ITGA11: variants seen among roughly 807,000 people sequenced by gnomAD.
ITGA11 encodes integrin subunit alpha 11, also known as integrin alpha-11.
In ITGA11, 97 loss-of-function variants were observed where a neutral mutation model predicts 141.9. The ratio of observed to expected loss-of-function variants is 0.68; its 90% confidence interval spans 0.58 to 0.81. The LOEUF (loss-of-function observed/expected upper bound fraction) is 0.81. Ranked by LOEUF, ITGA11 falls within the 30% of genes least tolerant of loss-of-function variation. The pLI, the probability that ITGA11 is intolerant of heterozygous loss-of-function variation, is 0.00. For synonymous variants in ITGA11, 658 were observed against 624.6 expected, an observed-to-expected ratio of 1.05 and a Z score of -0.80; for missense variants, 1,387 against 1,559.2, an observed-to-expected ratio of 0.89 and a Z score of 1.86.
intron 1 of ITGA11, among the ~76,000 whole-genome samples, chr15:68,412,430 T>G (rs1175586099): frequency 6.6e-6 from 1 of 151,974 alleles, no homozygotes; most frequent in Non-Finnish European, 1.5e-5. Flanking sequence ...TGGGTTGTCC[T>G]GAATCACTCA....
chr15:68,358,903 C>T (rs957767852), intron 5 of ITGA11, among the ~76,000 whole-genome samples: 1 of 152,212 alleles, frequency 6.6e-6, no homozygotes, highest in African/African-American at 2.4e-5. Flanking sequence ...AAATCAGTAC[C>T]TTGGTATTGT....
intron 5 of ITGA11, 123 bp from the exon 6 acceptor site, chr15:68,358,708 G>T: frequency 9.1e-7 from 1 of 1,097,110 alleles, no homozygotes; most frequent in Non-Finnish European, 1.3e-6. Flanking sequence ...TCCCTGGGCT[G>T]GGAAACTGTC....
chr15:68,367,620 T>C (rs2415005), intron 3 of ITGA11, among the ~76,000 whole-genome samples: 141,754 of 152,188 alleles, frequency 0.93, 66,360 homozygotes, highest in Middle Eastern at 0.98. Flanking sequence ...ATCCTGCTTC[T>C]TAATTTGCCT....
chr15:68,351,777 C>T (rs929654369), intron 7 of ITGA11, among the ~76,000 whole-genome samples: 6 of 151,900 alleles, frequency 3.9e-5, no homozygotes, highest in Admixed American at 6.6e-5. Context: ...TGACATCTCT[C>T]GGAGGGAGGC....
Position 68,325,399 on chromosome 15 carries a change from C to A in ITGA11, c.2212-158G>T, listed in dbSNP as rs954214394. Among the ~76,000 whole-genome samples the A allele has an allele frequency of 6.6e-6, 1 of 151,774 alleles. No individual in the cohort carries two copies. Among genetic ancestry groups the A allele is most frequent in the Non-Finnish European group, 1.5e-5 (1 of 67,776 alleles). The stretch of plus-strand genomic sequence containing the variant: ...TCTGCAGGTGGATGGAGGTTTCTAG[C>A]GGGTCTGTTGGTGGGAAGAGTGTGC... On this transcript the variant is annotated intron_variant, in intron 17 of 29. Coordinates refer to ENST00000315757, the MANE Select transcript of ITGA11 (RefSeq NM_001004439.2). This position sits in a 1 kb window ranked among gnomAD's most constrained non-coding sequence, Gnocchi z 5.5.
intron 1 of ITGA11, among the ~76,000 whole-genome samples, chr15:68,429,485 A>G (rs1255393508): frequency 6.6e-6 from 1 of 151,808 alleles, no homozygotes; most frequent in Non-Finnish European, 1.5e-5. Context: ...CTTTCCTGTT[A>G]GTTTTGTCTA....
intron 7 of ITGA11, among the ~76,000 whole-genome samples, chr15:68,356,443 A>G (rs1895072879): frequency 6.6e-6 from 1 of 152,084 alleles, no homozygotes; most frequent in African/African-American, 2.4e-5. Flanking sequence ...CCTCACTACT[A>G]TACAGTCTCA....
intron 21 of ITGA11, among the ~76,000 whole-genome samples, chr15:68,316,903 G>A (rs781400538): frequency 3.3e-5 from 5 of 152,178 alleles, no homozygotes; most frequent in South Asian, 2.1e-4. Flanking sequence ...AGGTACTCAC[G>A]AAATGGTAGT....
intron 2 of ITGA11, among the ~76,000 whole-genome samples, chr15:68,378,676 A>T (rs1236215077): frequency 1.3e-5 from 2 of 152,182 alleles, no homozygotes; most frequent in Admixed American, 6.5e-5. Flanking sequence ...TCTATTGCAT[A>T]TCTTTTATCA....
At position 68,303,167 on chromosome 15, in the gene ITGA11, C is replaced by A; in HGVS notation, c.3496-37G>T. On this transcript the variant is annotated intron_variant, in intron 29 of 29. Transcript: ENST00000315757. This position sits in a 1 kb window ranked among gnomAD's most constrained non-coding sequence, Gnocchi z 5.3. ...CAAAGGGAGACGTCTCAGAGGAGGA[C>A]AGGGTGGGCAAGGCCTGCCCCAGCT... 1 of 1,534,792 alleles carries A rather than the reference C, an allele frequency of 6.5e-7. No individual in the cohort carries two copies. The highest frequency in any genetic ancestry group is 1.2e-5 in the South Asian group (1 of 83,396).
chr15:68,425,727 G>T (rs113332825), intron 1 of ITGA11, among the ~76,000 whole-genome samples: 1,585 of 152,274 alleles, frequency 0.01, 32 homozygotes, highest in African/African-American at 0.036. Flanking sequence ...ATTTTTCCAT[G>T]GCCTTCCTGA....
At chr15:68,423,013 C>A (rs1015006098) in intron 1 of ITGA11, among the ~76,000 whole-genome samples, 10 of 152,206 alleles carry the variant, frequency 6.6e-5, no homozygotes, top group East Asian at 3.8e-4. Context: ...GGCTATTGTG[C>A]TATTACCTCC....
chr15:68,368,857 G>C (rs1206105554), intron 3 of ITGA11, among the ~76,000 whole-genome samples: 1 of 107,644 alleles, frequency 9.3e-6, no homozygotes, highest in African/African-American at 3.6e-5. Flanking sequence ...AAGACAGGAA[G>C]TCCTTTTTTT....
Position 68,305,493 on chromosome 15 carries a change from G to T in ITGA11, c.3382-1608C>A, listed in dbSNP as rs1345818970. On this transcript the variant is annotated intron_variant, in intron 28 of 29. Coordinates refer to ENST00000315757, the MANE Select transcript of ITGA11 (RefSeq NM_001004439.2). This position sits in a 1 kb window ranked among gnomAD's most constrained non-coding sequence, Gnocchi z 4.6. ...TCCTCAGAACCTGGAGCCGTGCCGG[G>T]AATGTAGCAGGAGCTCAGCTAACAC... 6.6e-6 allele frequency among the ~76,000 whole-genome samples: 1 copy of T among 152,058 alleles called. No individual in the cohort carries two copies. The highest frequency in any genetic ancestry group is 2.4e-5 in the African/African-American group (1 of 41,322).
intron 1 of ITGA11, among the ~76,000 whole-genome samples, chr15:68,426,993 C>T (rs1033893200): frequency 2.4e-4 from 27 of 110,728 alleles, no homozygotes; most frequent in African/African-American, 7.0e-4. Context: ...CCAGCCTGGG[C>T]GACAGAGCAA....
At chr15:68,396,844 T>C (rs917400871) in intron 2 of ITGA11, among the ~76,000 whole-genome samples, 24 of 138,814 alleles carry the variant, frequency 1.7e-4, no homozygotes, top group South Asian at 1.3e-3. Flanking sequence ...TAATATGTAA[T>C]AGTATAAAAT....
At chr15:68,315,070 C>CAGAT (rs539251855) in intron 22 of ITGA11, among the ~76,000 whole-genome samples, 9 of 152,068 alleles carry the variant, frequency 5.9e-5, no homozygotes, top group African/African-American at 1.9e-4. Context: ...GACAGACAGA[C>CAGAT]AGATAGACAG....
chr15:68,423,485 G>T (rs1203446497), intron 1 of ITGA11, among the ~76,000 whole-genome samples: 2 of 152,172 alleles, frequency 1.3e-5, no homozygotes, highest in African/African-American at 4.8e-5. Context: ...TCTCATTGGG[G>T]CTGCTGTTGG....
intron 1 of ITGA11, among the ~76,000 whole-genome samples, chr15:68,403,612 TTTTCTTTC>T (rs140112160): frequency 1.3e-4 from 19 of 148,312 alleles, no homozygotes; most frequent in East Asian, 8.0e-4. Context: ...AATAAACCTC[TTTTCTTTC>T]TTTCTTTCTT....
Sources: gnomAD v4.1 joint callset for allele counts (sites outside exome capture counted in the v4.1 genomes callset) on GRCh38, gnomAD v4.1.1 for gene constraint, Gnocchi (gnomAD v3.1) non-coding constraint, MANE v1.5 for transcripts, NCBI Gene and HGNC (gene_info 2026-07-23, HGNC 2026-07-21) for gene names.